Variants in SYNPO2 observed in about 807,000 individuals in gnomAD.
The protein encoded by SYNPO2 is synaptopodin-2.
SYNPO2 carries 56 observed loss-of-function variants against 85.0 expected under a neutral mutation model. The ratio of observed to expected loss-of-function variants is 0.66; its 90% CI spans 0.53 to 0.82. The LOEUF (loss-of-function observed/expected upper bound fraction) is 0.82. Ranked by LOEUF, SYNPO2 falls within the 40% of genes least tolerant of loss-of-function variation. SYNPO2 has a pLI of 0.00. For missense variants in SYNPO2, 1,575 were observed against 1,534.2 expected (o/e 1.03, Z -0.44); for synonymous variants, 602 against 591.1 (o/e 1.02, Z -0.27).
rs762404155 is a variant in SYNPO2 at position 118,889,014 on chromosome 4, T to C, written c.-23T>C. The C allele has an allele frequency of 6.2e-7, 1 of 1,611,934 alleles. No individual in the cohort carries two copies. The highest frequency in any genetic ancestry group is 8.5e-7 in the Non-Finnish European group (1 of 1,178,150). On this transcript the variant is annotated 5_prime_UTR_variant, in exon 1 of 5. It removes an upstream start codon present in the reference 5' UTR. Transcript: ENST00000307142. The stretch of plus-strand genomic sequence containing the variant: ...TTCGTCTGTCTCGTCAAGCTCTTCA[T>C]GCTGCCCAACTAAAAGGAAAACATG...
At position 119,026,734 on chromosome 4, in the gene SYNPO2, C is replaced by T. The variant is rs546298905; in HGVS notation, c.365C>T (p.Pro122Leu). The change falls in exon 3 of 5, where the codon CCG becomes CTG. Residue 122 changes from proline (P) to leucine (L), a missense_variant. This residue lies in a region of SYNPO2 where 1,508 missense variants were observed against 1,446.8 expected (regional missense o/e 1.04). Transcript: ENST00000307142. ...GAAAGTACCACCCTGCAGATTCGAC[C>T]GGCCACAAAGACCCAGTGCACAGAA... is the stretch of plus-strand genomic sequence containing the variant. ...YVESTTLQIR[P>L]ATKTQCTEFF... The T allele has an allele frequency of 8.3e-5, 134 of 1,614,010 alleles. No individual in the cohort carries two copies. Among genetic ancestry groups the T allele is most frequent in the Non-Finnish European group, 1.1e-4 (125 of 1,180,032 alleles).
At position 119,029,820 on chromosome 4, in the gene SYNPO2, A is replaced by T. The variant is rs1244188370; in HGVS notation, c.1070-25A>T. ...TCCTTGAACTCATCAGCTCAATATA[A>T]TTTTTTTTTTTTTGCTTTCCCTAGG... On this transcript the variant is annotated intron_variant, in intron 3 of 4. Coordinates refer to ENST00000307142, the MANE Select transcript of SYNPO2 (RefSeq NM_133477.3). The T allele has an allele frequency of 9.9e-6, 14 of 1,412,202 alleles. No individual in the cohort carries two copies. Among genetic ancestry groups the T allele is most frequent in the East Asian group, 7.1e-5 (3 of 42,202 alleles). The allele number at this position is 1,412,202 out of a possible 1,614,324, so 87.5% of individuals were successfully genotyped here. A position where few individuals can be genotyped will look rare whatever the true frequency, so the allele number is the denominator to read the frequency against.
chr4:118,923,400 G>A (rs1733603863), intron 1 of SYNPO2, among the ~76,000 whole-genome samples: 3 of 152,060 alleles, frequency 2.0e-5, no homozygotes, highest in Admixed American at 6.6e-5. Context: ...TTTGAGGATG[G>A]ATTGGGGAGG....
chr4:119,030,067 A>T lies in SYNPO2; in HGVS notation c.1292A>T (p.Asp431Val). The change falls in exon 4 of 5, where the codon GAT becomes GTT. Residue 431 changes from aspartate (D) to valine (V), a missense_variant. By Grantham distance (152) the Asp-to-Val change is radical. Transcript: ENST00000307142. ...ADEEEEGDKE[D>V]TCEVAFLGAS... ...GAGGAGGAAGAAGGTGACAAGGAGG[A>T]TACATGTGAAGTAGCATTTCTTGGT... 1.2e-6 allele frequency: 2 copies of T among 1,614,130 alleles called. No individual in the cohort carries two copies. The highest frequency in any genetic ancestry group is 1.7e-6 in the Non-Finnish European group (2 of 1,180,016).
intron 4 of SYNPO2, among the ~76,000 whole-genome samples, chr4:119,047,756 T>G (rs567311147): frequency 6.6e-6 from 1 of 152,318 alleles, no homozygotes; most frequent in South Asian, 2.1e-4. Context: ...TATGCAGAAA[T>G]TTTTTCCAGT....
At chr4:118,874,949 G>A (rs181487590) in intron 1 of SYNPO2, among the ~76,000 whole-genome samples, 1 of 152,240 alleles carries the variant, frequency 6.6e-6, no homozygotes. Context: ...GTAGTTTGCT[G>A]CACAGATCAT....
At chr4:118,969,923 T>C (rs750728539) in intron 1 of SYNPO2, among the ~76,000 whole-genome samples, 3 of 152,192 alleles carry the variant, frequency 2.0e-5, no homozygotes. Context: ...TTCTATTGTT[T>C]GCATTTAACT....
intron 1 of SYNPO2, among the ~76,000 whole-genome samples, chr4:118,879,205 C>T (rs138854725): frequency 1.0e-3 from 154 of 152,314 alleles, no homozygotes; most frequent in African/African-American, 3.5e-3. Flanking sequence ...CGGTAACACT[C>T]ACCGATAAGG....
At chr4:118,896,018 C>A (rs1732540125) in intron 1 of SYNPO2, among the ~76,000 whole-genome samples, 1 of 152,098 alleles carries the variant, frequency 6.6e-6, no homozygotes, top group South Asian at 2.1e-4. Flanking sequence ...ATTAAAAAAA[C>A]TGATCCTGAA....
chr4:118,926,342 A>G (rs1285207718), intron 1 of SYNPO2, among the ~76,000 whole-genome samples: 1 of 152,158 alleles, frequency 6.6e-6, no homozygotes, highest in African/African-American at 2.4e-5. Context: ...AATACTTTTT[A>G]TATATGTATG....
intron 1 of SYNPO2, among the ~76,000 whole-genome samples, chr4:118,868,503 CT>C (rs1249156786): frequency 2.0e-5 from 3 of 152,048 alleles, no homozygotes; most frequent in Admixed American, 1.3e-4. Flanking sequence ...ATAAAGAAAT[CT>C]GCCTTTTATT....
At chr4:118,900,727 A>G (rs1385386911) in intron 1 of SYNPO2, among the ~76,000 whole-genome samples, 8 of 100,004 alleles carry the variant, frequency 8.0e-5, no homozygotes, top group African/African-American at 1.1e-4. Flanking sequence ...ATATATATAT[A>G]TATATGTCTG....
intron 4 of SYNPO2, chr4:119,038,383 G>A (rs1294424966): frequency 1.1e-6 from 1 of 888,894 alleles, no homozygotes; most frequent in Non-Finnish European, 1.3e-6. Context: ...AAAAAAAAAT[G>A]AAATTTACAG....
intron 4 of SYNPO2, among the ~76,000 whole-genome samples, chr4:119,048,596 G>T (rs983568066): frequency 1.3e-5 from 2 of 152,176 alleles, no homozygotes; most frequent in African/African-American, 4.8e-5. Flanking sequence ...GAATTGCCAA[G>T]CTGAGTGATC....
At chr4:118,899,311 G>A (rs1210525099) in intron 1 of SYNPO2, among the ~76,000 whole-genome samples, 5 of 152,096 alleles carry the variant, frequency 3.3e-5, no homozygotes, top group African/African-American at 1.2e-4. Flanking sequence ...TAAAGCATGA[G>A]ATAAAAGGTG....
intron 1 of SYNPO2, among the ~76,000 whole-genome samples, chr4:118,964,132 A>G (rs1560917840): frequency 6.6e-6 from 1 of 152,208 alleles, no homozygotes; most frequent in Non-Finnish European, 1.5e-5. Flanking sequence ...TTTGGGGGAT[A>G]AAGATAAATA....
chr4:118,908,104 A>G (rs1342878591), intron 1 of SYNPO2, among the ~76,000 whole-genome samples: 1 of 152,214 alleles, frequency 6.6e-6, no homozygotes, highest in African/African-American at 2.4e-5. Context: ...TTGTATATGT[A>G]AAAGATATTT....
chr4:119,017,140 T>G (rs1295024830), intron 1 of SYNPO2, among the ~76,000 whole-genome samples: 2 of 152,180 alleles, frequency 1.3e-5, no homozygotes, highest in Non-Finnish European at 2.9e-5. Flanking sequence ...TAACCAAAAA[T>G]TGTAGTGTCT....
intron 1 of SYNPO2, among the ~76,000 whole-genome samples, chr4:118,877,896 G>T (rs528678185): frequency 6.6e-6 from 1 of 152,252 alleles, no homozygotes; most frequent in South Asian, 2.1e-4. Context: ...CCATAAAGAT[G>T]ATACATGCAT....
Sources: gnomAD v4.1 joint callset for allele counts (sites outside exome capture counted in the v4.1 genomes callset) on GRCh38, gnomAD v4.1.1 for gene constraint, gnomAD v4.1.1 regional missense constraint, MANE v1.5 for transcripts, NCBI Gene and HGNC (gene_info 2026-07-23, HGNC 2026-07-21) for gene names.